GCNT2: variants seen among roughly 807,000 people sequenced by gnomAD.
GCNT2 encodes the protein glucosaminyl (N-acetyl) transferase 2 (I blood group).
Under a neutral mutation model 34.2 loss-of-function variants are expected in GCNT2, and 34 were observed. The ratio of observed to expected loss-of-function variants is 1.00; its 90% CI spans 0.76 to 1.32. GCNT2 has a LOEUF of 1.32. Ranked by LOEUF, GCNT2 falls within the 40% of genes most tolerant of loss-of-function variation. The pLI is 0.00. For missense variants in GCNT2, 584 were observed against 489.4 expected (o/e 1.19, Z -1.82); for synonymous variants, 212 against 188.0 (o/e 1.13, Z -1.04).
At chr6:10,522,553 G>A (rs541438232) in intron 1 of GCNT2, among the ~76,000 whole-genome samples, 1 of 152,312 alleles carries the variant, frequency 6.6e-6, no homozygotes, top group East Asian at 1.9e-4. Flanking sequence ...AGGCCCTGGG[G>A]ACCCTACAGC....
intron 3 of GCNT2, among the ~76,000 whole-genome samples, chr6:10,589,815 A>G (rs1453770748): frequency 6.6e-6 from 1 of 151,234 alleles, no homozygotes; most frequent in Admixed American, 6.6e-5. Context: ...AGATATACTC[A>G]GAAAAGGAAA....
At chr6:10,602,092 G>C in intron 3 of GCNT2, among the ~76,000 whole-genome samples, 1 of 152,180 alleles carries the variant, frequency 6.6e-6, no homozygotes, top group East Asian at 1.9e-4. Context: ...TTTCTTTGCA[G>C]TCTCATTGCT....
intron 3 of GCNT2, among the ~76,000 whole-genome samples, chr6:10,538,437 AATATAT>A (rs1554127248): frequency 1.1e-4 from 8 of 73,346 alleles, no homozygotes; most frequent in Admixed American, 4.4e-4. Context: ...AAAAAAAAAA[AATATAT>A]ATATATATAT....
At position 10,555,501 on chromosome 6, in the gene GCNT2, A is replaced by G. The variant is rs1762656038; in HGVS notation, c.925+25665A>G. Among the ~76,000 whole-genome samples the G allele has an allele frequency of 2.6e-5, 4 of 152,348 alleles. No individual in the cohort carries two copies. The South Asian group carries it at 8.3e-4, about 32-fold the overall frequency. ...TGCCCACCAAATCCCCTGTCTGAGC[A>G]TCATTTGTGACCAAGATTCAAATTA... On this transcript the variant is annotated intron_variant, in intron 3 of 4. Coordinates refer to ENST00000495262, the MANE Select transcript of GCNT2 (RefSeq NM_145649.5).
chr6:10,523,187 C>A (rs1581349615), intron 1 of GCNT2, among the ~76,000 whole-genome samples: 1 of 152,152 alleles, frequency 6.6e-6, no homozygotes, highest in East Asian at 1.9e-4. Context: ...TTTGGGAGGC[C>A]GAGTCAGGCG....
chr6:10,615,601 A>G (rs1442255078), intron 3 of GCNT2, among the ~76,000 whole-genome samples: 2 of 152,130 alleles, frequency 1.3e-5, no homozygotes, highest in Admixed American at 1.3e-4. Context: ...ACCCCAAGAG[A>G]GGGTTCTTGG....
intron 3 of GCNT2, among the ~76,000 whole-genome samples, chr6:10,595,919 A>G (rs1302236179): frequency 6.6e-6 from 1 of 152,208 alleles, no homozygotes; most frequent in Non-Finnish European, 1.5e-5. Context: ...TCAACTTGTT[A>G]TGCAAACTCA....
At chr6:10,577,004 G>A (rs1219157573) in intron 3 of GCNT2, among the ~76,000 whole-genome samples, 2 of 152,198 alleles carry the variant, frequency 1.3e-5, no homozygotes, top group Non-Finnish European at 2.9e-5. Context: ...CTTGAGCTCA[G>A]GAGTTCAAGG....
At chr6:10,598,445 G>C (rs576750354) in intron 3 of GCNT2, among the ~76,000 whole-genome samples, 4 of 152,264 alleles carry the variant, frequency 2.6e-5, no homozygotes, top group African/African-American at 7.2e-5. Flanking sequence ...TAGGATTAAT[G>C]AAACAATGGC....
At chr6:10,539,890 C>T (rs1165472498) in intron 3 of GCNT2, among the ~76,000 whole-genome samples, 1 of 152,148 alleles carries the variant, frequency 6.6e-6, no homozygotes, top group East Asian at 1.9e-4. Context: ...CCAGCCTAGG[C>T]AACATAGTGA....
intron 3 of GCNT2, among the ~76,000 whole-genome samples, chr6:10,544,103 C>G (rs570651652): frequency 6.6e-6 from 1 of 151,544 alleles, no homozygotes. Context: ...CACCTGAGAT[C>G]AGGAGTTCGA....
chr6:10,625,989 T>C lies in GCNT2; in HGVS notation c.1019-428T>C, dbSNP rs75036759. 8.9e-3 allele frequency among the ~76,000 whole-genome samples: 1,355 copies of C among 152,316 alleles called. 20 individuals carry two copies. Among genetic ancestry groups the C allele is most frequent in the African/African-American group, 0.031 (1,294 of 41,564 alleles). The stretch of plus-strand genomic sequence containing the variant: ...AAAAGATATATGCTCTCTTTCTTTC[T>C]CAAAATATCTTAATATTTTTGGATC... On this transcript the variant is annotated intron_variant, in intron 4 of 4. Coordinates refer to ENST00000495262, the MANE Select transcript of GCNT2 (RefSeq NM_145649.5).
chr6:10,607,603 A>C (rs1765378706), intron 3 of GCNT2, among the ~76,000 whole-genome samples: 1 of 152,120 alleles, frequency 6.6e-6, no homozygotes, highest in Non-Finnish European at 1.5e-5. Flanking sequence ...TTTCCATGTC[A>C]TGAAGAGTTT....
At chr6:10,611,487 C>T (rs144427364) in intron 3 of GCNT2, among the ~76,000 whole-genome samples, 2,390 of 152,068 alleles carry the variant, frequency 0.016, 57 homozygotes, top group African/African-American at 0.054. Flanking sequence ...TGCGCCACCA[C>T]GCCCGGCTAA....
intron 3 of GCNT2, among the ~76,000 whole-genome samples, chr6:10,612,512 G>C (rs1391629475): frequency 6.6e-6 from 1 of 152,164 alleles, no homozygotes; most frequent in Non-Finnish European, 1.5e-5. Context: ...CGATAATGCT[G>C]AGGTTGAGAA....
intron 3 of GCNT2, among the ~76,000 whole-genome samples, chr6:10,567,592 G>A (rs960320525): frequency 6.6e-6 from 1 of 152,178 alleles, no homozygotes; most frequent in African/African-American, 2.4e-5. Context: ...TCACCTCTGT[G>A]TAAGATGTAT....
intron 3 of GCNT2, among the ~76,000 whole-genome samples, chr6:10,542,645 T>C (rs902151616): frequency 2.0e-5 from 3 of 152,206 alleles, no homozygotes; most frequent in Non-Finnish European, 2.9e-5. Flanking sequence ...TATTGCCATG[T>C]TTTTAAGGTT....
intron 3 of GCNT2, among the ~76,000 whole-genome samples, chr6:10,606,663 A>AGAG (rs1765328104): frequency 7.0e-6 from 1 of 142,718 alleles, no homozygotes; most frequent in Non-Finnish European, 1.6e-5. Context: ...AATTTCCATT[A>AGAG]AAGAAATTTA....
At chr6:10,584,513 T>G (rs1764255531) in intron 3 of GCNT2, among the ~76,000 whole-genome samples, 1 of 152,120 alleles carries the variant, frequency 6.6e-6, no homozygotes. Flanking sequence ...TTTACGGATG[T>G]CGGGCTGGGG....
Sources: gnomAD v4.1 joint callset for allele counts (sites outside exome capture counted in the v4.1 genomes callset) on GRCh38, gnomAD v4.1.1 for gene constraint, MANE v1.5 for transcripts, NCBI Gene and HGNC (gene_info 2026-07-23, HGNC 2026-07-21) for gene names.